FLRT1: variants seen among roughly 807,000 people sequenced by gnomAD.
FLRT1 encodes the protein leucine-rich repeat transmembrane protein FLRT1.
FLRT1 carries 14 observed loss-of-function variants against 30.9 expected under a neutral mutation model. The observed-to-expected ratio is 0.45, with a 90% CI of 0.30 to 0.71. FLRT1 has a LOEUF of 0.71. Among genes scored for constraint, FLRT1 ranks in the 30% least tolerant of loss-of-function variants. The pLI, the probability that FLRT1 is intolerant of heterozygous loss-of-function variation, is 0.08. For synonymous variants in FLRT1, 368 were observed against 430.4 expected, an observed-to-expected ratio of 0.85 and a Z score of 1.80; for missense variants, 737 against 949.2, an observed-to-expected ratio of 0.78 and a Z score of 2.94.
chr11:64,098,377 T>C (rs539325985), intron 1 of FLRT1, among the ~76,000 whole-genome samples: 1 of 152,338 alleles, frequency 6.6e-6, no homozygotes, highest in East Asian at 1.9e-4. Flanking sequence ...TCACATAGGC[T>C]GTTCCCTCAG....
intron 1 of FLRT1, among the ~76,000 whole-genome samples, chr11:64,079,692 G>A (rs1944271217): frequency 6.6e-6 from 1 of 152,132 alleles, no homozygotes; most frequent in South Asian, 2.1e-4. Flanking sequence ...TGTGGTTGGG[G>A]AAAGGAAGGA....
At position 64,118,374 on chromosome 11, in the gene FLRT1, A is replaced by G; in HGVS notation, c.*82A>G. 10 of 1,436,552 alleles carry G rather than the reference A, an allele frequency of 7.0e-6. No individual in the cohort carries two copies. The highest frequency in any genetic ancestry group is 9.2e-6 in the Non-Finnish European group (10 of 1,085,950). The allele number at this position is 1,436,552 out of a possible 1,614,324, so 89.0% of individuals were successfully genotyped here. On this transcript the variant is annotated 3_prime_UTR_variant, in exon 3 of 3. Transcript: ENST00000682287. ...GGCTTTGCCCAGCCTGCTGCAATCC[A>G]AGAGAGCAAGGAAGAGAAATTCCAT...
At chr11:64,112,216 A>G (rs1038504923) in intron 2 of FLRT1, among the ~76,000 whole-genome samples, 1 of 152,164 alleles carries the variant, frequency 6.6e-6, no homozygotes, top group African/African-American at 2.4e-5. Flanking sequence ...GGGGAGACAG[A>G]CAATAAAAAC....
intron 1 of FLRT1, among the ~76,000 whole-genome samples, chr11:64,097,044 C>T (rs1001536378): frequency 6.6e-6 from 1 of 152,368 alleles, no homozygotes; most frequent in Non-Finnish European, 1.5e-5. Flanking sequence ...ACTCTTCAGG[C>T]GCCTGCCTGC....
chr11:64,101,667 A>C (rs1489068603), intron 1 of FLRT1, among the ~76,000 whole-genome samples: 1 of 152,198 alleles, frequency 6.6e-6, no homozygotes, highest in Non-Finnish European at 1.5e-5. Flanking sequence ...TGGTAATAGC[A>C]ATAAGGGCTC....
At chr11:64,079,113 G>T (rs931260945) in intron 1 of FLRT1, among the ~76,000 whole-genome samples, 2 of 152,134 alleles carry the variant, frequency 1.3e-5, no homozygotes, top group Admixed American at 6.5e-5. Flanking sequence ...TGGTGCAGTG[G>T]GGGGCGGTGG....
In FLRT1 at chr11:64,116,671, A is replaced by G. The variant is rs758214389; in HGVS notation, c.404A>G (p.Gln135Arg). 3 of 1,614,004 alleles carry G rather than the reference A, an allele frequency of 1.9e-6. No homozygotes were observed. The Admixed American group carries it at 5.0e-5, about 27-fold the overall frequency. The change falls in exon 3 of 3, where the codon CAG (glutamine) becomes CGG (arginine). Residue 135 changes from glutamine to arginine, a missense_variant. Transcript: ENST00000682287. The part of the protein sequence containing the change: ...LPRSLRELHL[Q>R]DNNVRTIARD... ...CGCTCCCTCCGGGAGCTGCACCTGC[A>G]GGACAACAATGTGCGCACCATTGCC... is the stretch of plus-strand genomic sequence containing the variant.
intron 1 of FLRT1, among the ~76,000 whole-genome samples, chr11:64,084,783 GC>G (rs1185474936): frequency 6.6e-6 from 1 of 152,202 alleles, no homozygotes; most frequent in African/African-American, 2.4e-5. Context: ...TCACCCGCCA[GC>G]CCAGACTGGG....
intron 2 of FLRT1, among the ~76,000 whole-genome samples, chr11:64,109,063 C>T (rs1388044633): frequency 1.3e-5 from 2 of 152,172 alleles, no homozygotes; most frequent in Non-Finnish European, 2.9e-5. Context: ...GACACTTCCT[C>T]TCCCCGCCTG....
intron 1 of FLRT1, among the ~76,000 whole-genome samples, chr11:64,038,689 G>A (rs1272912197): frequency 1.3e-5 from 2 of 152,198 alleles, no homozygotes. Context: ...CAGAGATGGG[G>A]CCTGTATGGG....
chr11:64,063,582 C>T (rs1016612816), intron 1 of FLRT1, among the ~76,000 whole-genome samples: 6 of 152,194 alleles, frequency 3.9e-5, no homozygotes, highest in Admixed American at 6.5e-5. Context: ...GCCTCTTCCC[C>T]GGCGTCTCTT....
At chr11:64,042,724 C>G (rs989654553) in intron 1 of FLRT1, among the ~76,000 whole-genome samples, 1 of 152,178 alleles carries the variant, frequency 6.6e-6, no homozygotes, top group Non-Finnish European at 1.5e-5. Context: ...TGCTTCATGC[C>G]TCAGTTTCCC....
intron 2 of FLRT1, among the ~76,000 whole-genome samples, chr11:64,114,513 A>ACAGG: frequency 6.7e-6 from 1 of 148,574 alleles, no homozygotes; most frequent in Non-Finnish European, 1.5e-5. Flanking sequence ...GGATGAATGG[A>ACAGG]TGGATGGATG....
At chr11:64,072,480 C>A (rs1237573018) in intron 1 of FLRT1, among the ~76,000 whole-genome samples, 1 of 152,130 alleles carries the variant, frequency 6.6e-6, no homozygotes, top group Admixed American at 6.5e-5. Flanking sequence ...GTACATGTGG[C>A]ATTCCATAAG....
At chr11:64,113,096 T>C (rs1944891250) in intron 2 of FLRT1, among the ~76,000 whole-genome samples, 1 of 152,242 alleles carries the variant, frequency 6.6e-6, no homozygotes, top group Non-Finnish European at 1.5e-5. Flanking sequence ...CCTCCCTAGA[T>C]GGCCTGGGTT....
chr11:64,041,199 TAAA>T (rs71045724), intron 1 of FLRT1, among the ~76,000 whole-genome samples: 380 of 21,480 alleles, frequency 0.018, no homozygotes, highest in African/African-American at 0.058. Flanking sequence ...TAGCAAACTG[TAAA>T]AAAAAAAAAA....
chr11:64,047,458 G>A lies in FLRT1; in HGVS notation c.-1038+11299G>A, dbSNP rs554189631. 3.9e-5 allele frequency among the ~76,000 whole-genome samples: 6 copies of A among 152,246 alleles called. No individual in the cohort carries two copies. In the East Asian group the frequency reaches 7.7e-4, roughly 20 times the overall value. ...CTGTTCCGTTTCACCCCCAGCAGCC[G>A]TAAAGCAGGTGGAGGAGTGACCAGC... is the stretch of plus-strand genomic sequence containing the variant. On this transcript the variant is annotated intron_variant, in intron 1 of 2. Coordinates refer to ENST00000682287, the MANE Select transcript of FLRT1 (RefSeq NM_013280.5).
rs190392363 is a variant in FLRT1 at position 64,074,160 on chromosome 11, G to A, written c.-1037-29034G>A. ...CACAAGTAGACATGAAGCTGGCTCAGGGCAATGGTCTCCTTTTATGATGGG... is the reference window on the plus strand; with the variant it reads ...CACAAGTAGACATGAAGCTGGCTCAAGGCAATGGTCTCCTTTTATGATGGG... On this transcript the variant is annotated intron_variant, in intron 1 of 2. Transcript: ENST00000682287. 3.3e-5 allele frequency among the ~76,000 whole-genome samples: 5 copies of A among 152,370 alleles called. No individual in the cohort carries two copies. In the East Asian group the frequency reaches 9.7e-4, roughly 29 times the overall value.
At chr11:64,101,942 C>T (rs1270609775) in intron 1 of FLRT1, among the ~76,000 whole-genome samples, 1 of 152,240 alleles carries the variant, frequency 6.6e-6, no homozygotes, top group Non-Finnish European at 1.5e-5. Flanking sequence ...GGCACACACC[C>T]TTCCCAAATG....
Sources: gnomAD v4.1 joint callset for allele counts (sites outside exome capture counted in the v4.1 genomes callset) on GRCh38, gnomAD v4.1.1 for gene constraint, MANE v1.5 for transcripts, NCBI Gene and HGNC (gene_info 2026-07-23, HGNC 2026-07-21) for gene names.